UGT2B28: variants seen among roughly 807,000 people sequenced by gnomAD.
The protein encoded by UGT2B28 is UDP-glucuronosyltransferase 2B28.
A neutral mutation model predicts 43.6 loss-of-function variants in UGT2B28; 45 were observed. That is an observed-to-expected ratio of 1.03 (90% CI 0.81 to 1.32). The LOEUF is 1.32. UGT2B28 is among the 40% of genes most tolerant of loss of function. UGT2B28 has a pLI of 0.00. For missense variants in UGT2B28, 649 were observed against 625.5 expected, an observed-to-expected ratio of 1.04 and a Z score of -0.40; for synonymous variants, 204 against 208.1, an observed-to-expected ratio of 0.98 and a Z score of 0.17.
In UGT2B28 at chr4:69,289,761, C is replaced by G. The variant is rs773002646; in HGVS notation, c.1090+9C>G. On this transcript the variant is annotated intron_variant, in intron 4 of 5. Coordinates refer to ENST00000335568, the MANE Select transcript of UGT2B28 (RefSeq NM_053039.2). ...CCAGAATGACCTTCTAGGTAACACT[C>G]TGGTGAACAAATACTGGATATATTA... 5.2e-6 allele frequency: 8 copies of G among 1,533,992 alleles called. 1 individual carries two copies. Among genetic ancestry groups the G allele is most frequent in the Non-Finnish European group, 6.1e-6 (7 of 1,139,066 alleles).
chr4:69,289,864 C>A lies in UGT2B28; in HGVS notation c.1090+112C>A. On this transcript the variant is annotated intron_variant, in intron 4 of 5. Coordinates refer to ENST00000335568, the MANE Select transcript of UGT2B28 (RefSeq NM_053039.2). Reference sequence around the variant, plus strand: ...ATTTATTATAGGAAAACAAAAAGAACTTCTTTGTATTTATTTTCCAGTCCT... The same window carrying A: ...ATTTATTATAGGAAAACAAAAAGAAATTCTTTGTATTTATTTTCCAGTCCT... 3.4e-6 allele frequency: 4 copies of A among 1,168,734 alleles called. 1 individual carries two copies. Among genetic ancestry groups the A allele is most frequent in the Non-Finnish European group, 4.6e-6 (4 of 866,122 alleles). The allele number at this position is 1,168,734 out of a possible 1,614,324, so 72.4% of individuals were successfully genotyped here. A position where few individuals can be genotyped will look rare whatever the true frequency, so the allele number is the denominator to read the frequency against.
At position 69,290,806 on chromosome 4, in the gene UGT2B28, TC is replaced by T. The variant is rs1465588753; in HGVS notation, c.1307del (p.Pro436LeufsTer8). ...ATGCACTGAAGACAGTAATTAATGA[TC>T]CTTCGTGAGTAGAACAGTATTTTTC... The part of the protein sequence containing the change: ...LNALKTVIND[P>X]SYKENVMKLS... On this transcript the variant is annotated frameshift_variant, in exon 5 of 6. Transcript: ENST00000335568. LOFTEE classifies it low-confidence loss of function (END_TRUNC). 1 of 1,559,190 alleles carries T rather than the reference TC, an allele frequency of 6.4e-7. No individual in the cohort carries two copies. Among genetic ancestry groups the T allele is most frequent in the Non-Finnish European group, 8.7e-7 (1 of 1,154,756 alleles).
intron 5 of UGT2B28, among the ~76,000 whole-genome samples, chr4:69,292,279 C>T (rs1167087237): frequency 1.4e-5 from 2 of 139,740 alleles, no homozygotes; most frequent in Non-Finnish European, 3.1e-5. Context: ...TTGCGGAGTC[C>T]AGCTACCATC....
intron 3 of UGT2B28, among the ~76,000 whole-genome samples, chr4:69,287,915 G>C (rs1276010463): frequency 7.1e-6 from 1 of 140,604 alleles, no homozygotes; most frequent in African/African-American, 2.8e-5. Context: ...GCAAATAAAA[G>C]TTAAACACTG....
At chr4:69,287,149 C>T (rs1723803800) in intron 3 of UGT2B28, among the ~76,000 whole-genome samples, 1 of 139,700 alleles carries the variant, frequency 7.2e-6, no homozygotes, top group Admixed American at 7.2e-5. Flanking sequence ...TATGTATCCA[C>T]AAAAGGGAAC....
chr4:69,286,789 G>A lies in UGT2B28; in HGVS notation c.908G>A (p.Gly303Asp). Residue 303 changes from glycine to aspartate, a missense_variant, in exon 3 of 6, where the codon GGT becomes GAT. By Grantham distance (94) the Gly-to-Asp change is moderately conservative. Transcript: ENST00000335568. ...TTTGTACAGAGCTCTGGTGAAAATG[G>A]TGTTGTGGTGTTTTCTCTGGGGTCA... Reference protein sequence around the residue: ...EEFVQSSGENGVVVFSLGSVI... With the variant: ...EEFVQSSGENDVVVFSLGSVI... 1 of 1,556,216 alleles carries A rather than the reference G, an allele frequency of 6.4e-7. No individual in the cohort carries two copies. Among genetic ancestry groups the A allele is most frequent in the Non-Finnish European group, 8.7e-7 (1 of 1,154,546 alleles).
In UGT2B28 at chr4:69,286,841, G is replaced by T. The variant is rs1423014871; in HGVS notation, c.960G>T (p.Arg320Ser). The change falls in exon 3 of 6, where the codon AGG becomes AGT. Residue 320 changes from arginine (R) to serine (S), a missense_variant. Coordinates refer to ENST00000335568, the MANE Select transcript of UGT2B28 (RefSeq NM_053039.2). ...GSVISNMTAE[R>S]ANVIATALAK... ...TGATAAGTAACATGACAGCAGAAAG[G>T]GCCAACGTAATTGCAACAGCCCTTG... is the stretch of plus-strand genomic sequence containing the variant. The T allele has an allele frequency of 1.3e-6, 2 of 1,555,804 alleles. No homozygotes were observed. Among genetic ancestry groups the T allele is most frequent in the South Asian group, 1.2e-5 (1 of 84,110 alleles).
chr4:69,282,675 T>A lies in UGT2B28; in HGVS notation c.870+13T>A. On this transcript the variant is annotated intron_variant, in intron 2 of 5. Transcript: ENST00000335568. ...ACCCCTACCTAAGGTAAACATACTT[T>A]CGTTGGTTTTATTTTGTTGGCTTCG... The A allele has an allele frequency of 6.5e-7, 1 of 1,541,076 alleles. No homozygotes were observed. The highest frequency in any genetic ancestry group is 8.7e-7 in the Non-Finnish European group (1 of 1,149,390).
chr4:69,280,562 G>A lies in UGT2B28; in HGVS notation c.62G>A (p.Gly21Glu). 1.3e-6 allele frequency: 2 copies of A among 1,560,260 alleles called. No homozygotes were observed. Among genetic ancestry groups the A allele is most frequent in the Non-Finnish European group, 1.7e-6 (2 of 1,155,612 alleles). The change falls in exon 1 of 6, where the codon GGG becomes GAG. Residue 21 changes from glycine (G) to glutamate (E), a missense_variant. By Grantham distance (98) the Gly-to-Glu change is moderately conservative. Transcript: ENST00000335568. ...CATCTCGGTTGTTACTTTAGCTCTGGGAGTTGTGGAAAGGTGCTGGTGTGG... is the reference window on the plus strand; with the variant it reads ...CATCTCGGTTGTTACTTTAGCTCTGAGAGTTGTGGAAAGGTGCTGGTGTGG... ...LIHLGCYFSS[G>E]SCGKVLVWTG...
In UGT2B28 at chr4:69,294,928, T is replaced by G. The variant is rs1199651014; in HGVS notation, c.*119T>G. ...TCTTCCTGTGACAAAAAAAAAAACT[T>G]TTCAAAATCTACCTTGTCAAGTAAA... On this transcript the variant is annotated 3_prime_UTR_variant, in exon 6 of 6. Transcript: ENST00000335568. 1 of 1,290,544 alleles carries G rather than the reference T, an allele frequency of 7.7e-7. No individual in the cohort carries two copies. The highest frequency in any genetic ancestry group is 1.7e-5 in the African/African-American group (1 of 57,640). 79.9% of individuals were successfully genotyped at this position (1,290,544 alleles called of 1,614,324 possible). A position where few individuals can be genotyped will look rare whatever the true frequency, so the allele number is the denominator to read the frequency against.
In UGT2B28 at chr4:69,288,306, T is replaced by A. The variant is rs115106582; in HGVS notation, c.1003-1359T>A. Among the ~76,000 whole-genome samples, 1,018 of 140,044 alleles carry A rather than the reference T, an allele frequency of 7.3e-3. 220 individuals are homozygous for A. The highest frequency in any genetic ancestry group is 0.026 in the African/African-American group (940 of 35,916). The allele number at this position is 140,044 out of a possible 152,430, so 91.9% of individuals were successfully genotyped here. A position where few individuals can be genotyped will look rare whatever the true frequency, so the allele number is the denominator to read the frequency against. On this transcript the variant is annotated intron_variant, in intron 3 of 5. Coordinates refer to ENST00000335568, the MANE Select transcript of UGT2B28 (RefSeq NM_053039.2). Reference sequence around the variant, plus strand: ...CTTGGCAGCATTTATTTATTTCTTATAATTAGCTTATTTTATAGACTTGCT... The same window carrying A: ...CTTGGCAGCATTTATTTATTTCTTAAAATTAGCTTATTTTATAGACTTGCT...
At position 69,286,818 on chromosome 4, in the gene UGT2B28, A is replaced by G. The variant is rs1207066548; in HGVS notation, c.937A>G (p.Ile313Val). The change falls in exon 3 of 6, where the codon ATA becomes GTA. Residue 313 changes from isoleucine (I) to valine (V), a missense_variant. Ile to Val is a conservative substitution (Grantham distance 29). Transcript: ENST00000335568. ...GVVVFSLGSV[I>V]SNMTAERANV... Reference sequence around the variant, plus strand: ...TGTGGTGTTTTCTCTGGGGTCAGTGATAAGTAACATGACAGCAGAAAGGGC... The same window carrying G: ...TGTGGTGTTTTCTCTGGGGTCAGTGGTAAGTAACATGACAGCAGAAAGGGC... 5.8e-6 allele frequency: 9 copies of G among 1,556,904 alleles called. 1 individual carries two copies. The South Asian group carries it at 7.1e-5, about 12-fold the overall frequency.
chr4:69,282,901 G>A (rs993629829), intron 2 of UGT2B28, among the ~76,000 whole-genome samples: 7 of 139,640 alleles, frequency 5.0e-5, no homozygotes, highest in Non-Finnish European at 1.1e-4. Context: ...GTTGATTAAA[G>A]TCTTGATTAT....
chr4:69,293,225 A>G (rs1395867156), intron 5 of UGT2B28, among the ~76,000 whole-genome samples: 1 of 139,948 alleles, frequency 7.1e-6, no homozygotes, highest in Non-Finnish European at 1.5e-5. Flanking sequence ...ATTCGAAGTC[A>G]GGCTAATCCT....
At position 69,295,006 on chromosome 4, in the gene UGT2B28, G is replaced by A. The variant is rs370068449; in HGVS notation, c.*197G>A. 1.5e-6 allele frequency: 1 copy of A among 656,176 alleles called. No homozygotes were observed. Among genetic ancestry groups the A allele is most frequent in the Admixed American group, 4.4e-5 (1 of 22,754 alleles). The allele number at this position is 656,176 out of a possible 1,614,324, so 40.6% of individuals were successfully genotyped here. A position where few individuals can be genotyped will look rare whatever the true frequency, so the allele number is the denominator to read the frequency against. On this transcript the variant is annotated 3_prime_UTR_variant, in exon 6 of 6. Coordinates refer to ENST00000335568, the MANE Select transcript of UGT2B28 (RefSeq NM_053039.2). The stretch of plus-strand genomic sequence containing the variant: ...AGGTAATGGTTAGAAATATTCTGTG[G>A]CAATGAAGAAAACACTAGGGAAAAT...
rs772488095 is a variant in UGT2B28 at position 69,292,178 on chromosome 4, T to A, written c.1310+1367T>A. ...GCACTAACTTTTTACTTTTTGATGA[T>A]GGTCTTTGAAGCACAAAAAATATAA... On this transcript the variant is annotated intron_variant, in intron 5 of 5. Coordinates refer to ENST00000335568, the MANE Select transcript of UGT2B28 (RefSeq NM_053039.2). Among the ~76,000 whole-genome samples, 11 of 140,604 alleles carry A rather than the reference T, an allele frequency of 7.8e-5. 3 individuals are homozygous for A. Among genetic ancestry groups the A allele is most frequent in the Admixed American group, 2.9e-4 (4 of 13,998 alleles). The allele number at this position is 140,604 out of a possible 152,430, so 92.2% of individuals were successfully genotyped here. A position where few individuals can be genotyped will look rare whatever the true frequency, so the allele number is the denominator to read the frequency against.
At position 69,282,519 on chromosome 4, in the gene UGT2B28, C is replaced by A; in HGVS notation, c.727C>A (p.Pro243Thr). 3.9e-6 allele frequency: 6 copies of A among 1,546,592 alleles called. 1 individual carries two copies. Among genetic ancestry groups the A allele is most frequent in the Non-Finnish European group, 4.3e-6 (5 of 1,151,552 alleles). The change falls in exon 2 of 6, where the codon CCC becomes ACC. Residue 243 changes from proline to threonine, a missense_variant. Coordinates refer to ENST00000335568, the MANE Select transcript of UGT2B28 (RefSeq NM_053039.2). ...CTTTTCTTTATTCCTGTCAGGAAGA[C>A]CCACTACCTTATTTGAGACAATGGG... is the stretch of plus-strand genomic sequence containing the variant. The part of the protein sequence containing the change: ...DQFYSEVLGR[P>T]TTLFETMGKA...
chr4:69,290,942 T>C, intron 5 of UGT2B28, 131 bp downstream of exon 5: 1 of 1,213,812 alleles, frequency 8.2e-7, no homozygotes, highest in Admixed American at 3.2e-5. Context: ...CAATCTGAAA[T>C]CTGCTTTGTT....
chr4:69,289,098 A>G (rs1297228169), intron 3 of UGT2B28, among the ~76,000 whole-genome samples: 2 of 139,258 alleles, frequency 1.4e-5, no homozygotes, highest in African/African-American at 5.7e-5. Context: ...TCCTTTGCTT[A>G]TATACCCAGT....
Sources: gnomAD v4.1 joint callset for allele counts (sites outside exome capture counted in the v4.1 genomes callset) on GRCh38, gnomAD v4.1.1 for gene constraint, MANE v1.5 for transcripts, NCBI Gene and HGNC (gene_info 2026-07-23, HGNC 2026-07-21) for gene names.